The following DENND4C variants were observed in gnomAD, a reference collection of about 807,000 sequenced individuals.
DENND4C encodes DENN domain-containing protein 4C.
Under a neutral mutation model 203.0 loss-of-function variants are expected in DENND4C, and 108 were observed. That is an observed-to-expected ratio of 0.53 (90% CI 0.46 to 0.62). DENND4C has a LOEUF of 0.62. Ranked by LOEUF, DENND4C falls within the 20% of genes least tolerant of loss-of-function variation. The pLI is 0.00. For synonymous variants in DENND4C, 871 were observed against 792.4 expected, an observed-to-expected ratio of 1.10 and a Z score of -1.67; for missense variants, 2,481 against 2,301.2, an observed-to-expected ratio of 1.08 and a Z score of -1.60.
chr9:19,233,935 GA>G (rs1190652795), intron 1 of DENND4C, among the ~76,000 whole-genome samples: 1 of 152,012 alleles, frequency 6.6e-6, no homozygotes, highest in African/African-American at 2.4e-5. Context: ...AAATTCAAAA[GA>G]AAAAATTTAA....
intron 10 of DENND4C, among the ~76,000 whole-genome samples, chr9:19,308,192 C>A (rs932972504): frequency 6.6e-6 from 1 of 152,082 alleles, no homozygotes. Context: ...CTCAGGAATT[C>A]CTCTGAAGCA....
Position 19,372,219 on chromosome 9 carries a change from T to C in DENND4C, c.*46T>C. On this transcript the variant is annotated 3_prime_UTR_variant, in exon 33 of 33. Coordinates refer to ENST00000434457, the MANE Select transcript of DENND4C (RefSeq NM_001330640.2). ...TGACACACAAGGCTTGGGGATTAGATTTCATCTGGAAACATTCAAGTTTTT... is the reference window on the plus strand; with the variant it reads ...TGACACACAAGGCTTGGGGATTAGACTTCATCTGGAAACATTCAAGTTTTT... 6.4e-7 allele frequency: 1 copy of C among 1,568,768 alleles called. No individual in the cohort carries two copies. Among genetic ancestry groups the C allele is most frequent in the Non-Finnish European group, 8.6e-7 (1 of 1,159,534 alleles).
intron 4 of DENND4C, among the ~76,000 whole-genome samples, chr9:19,289,848 G>T (rs1282143139): frequency 7.3e-6 from 1 of 136,994 alleles, no homozygotes; most frequent in African/African-American, 2.6e-5. Flanking sequence ...AAAAAAAAGT[G>T]ATACTGTTAA....
At chr9:19,280,240 C>G (rs1215214343) in intron 2 of DENND4C, among the ~76,000 whole-genome samples, 1 of 151,934 alleles carries the variant, frequency 6.6e-6, no homozygotes, top group African/African-American at 2.4e-5. Context: ...ACCTCCACCT[C>G]GGGTTCAAGC....
At chr9:19,352,413 C>T (rs1027071890) in intron 25 of DENND4C, 77 bp from the exon 26 acceptor site, 1 of 1,380,544 alleles carries the variant, frequency 7.2e-7, no homozygotes, top group Non-Finnish European at 9.8e-7. Context: ...TAAAAAAAAT[C>T]CCATTATCTC....
At chr9:19,328,815 G>A (rs573432796) in intron 16 of DENND4C, among the ~76,000 whole-genome samples, 4 of 152,036 alleles carry the variant, frequency 2.6e-5, no homozygotes, top group South Asian at 2.1e-4. Context: ...TTGGGAGGCC[G>A]AGGCAGGTGG....
At chr9:19,282,255 CT>C (rs1564116444) in intron 2 of DENND4C, among the ~76,000 whole-genome samples, 2 of 150,902 alleles carry the variant, frequency 1.3e-5, no homozygotes, top group African/African-American at 2.4e-5. Flanking sequence ...AAAATTTATT[CT>C]TTTATTTTTT....
chr9:19,275,522 G>C (rs1319421393), intron 1 of DENND4C, among the ~76,000 whole-genome samples: 7 of 151,744 alleles, frequency 4.6e-5, no homozygotes, highest in Non-Finnish European at 7.4e-5. Context: ...CCAGGCTGAG[G>C]TGAAGTGGAG....
chr9:19,285,021 C>T (rs755138845), intron 2 of DENND4C, among the ~76,000 whole-genome samples: 2 of 152,070 alleles, frequency 1.3e-5, no homozygotes, highest in African/African-American at 2.4e-5. Flanking sequence ...TGTGATCCAC[C>T]GGGGGATCCC....
intron 9 of DENND4C, among the ~76,000 whole-genome samples, chr9:19,300,623 A>G (rs74953439): frequency 0.014 from 2,081 of 152,258 alleles, 45 homozygotes; most frequent in African/African-American, 0.048. Context: ...AAACCTGAGA[A>G]TGAAGCTGGT....
intron 5 of DENND4C, among the ~76,000 whole-genome samples, chr9:19,295,456 G>A (rs1837246060): frequency 6.6e-6 from 1 of 151,832 alleles, no homozygotes; most frequent in Non-Finnish European, 1.5e-5. Flanking sequence ...AGTGAGCCGA[G>A]ATCGTGCCAC....
intron 8 of DENND4C, among the ~76,000 whole-genome samples, chr9:19,299,560 G>T (rs1838133721): frequency 6.6e-6 from 1 of 152,070 alleles, no homozygotes; most frequent in South Asian, 2.1e-4. Context: ...CCCATATCCA[G>T]TTCATAACTA....
intron 1 of DENND4C, among the ~76,000 whole-genome samples, chr9:19,263,303 A>C (rs1382908071): frequency 6.6e-6 from 1 of 151,066 alleles, no homozygotes; most frequent in East Asian, 1.9e-4. Flanking sequence ...GTCATGTTGA[A>C]TAATCTTTTT....
chr9:19,252,204 G>A (rs1052704873), intron 1 of DENND4C, among the ~76,000 whole-genome samples: 2 of 152,126 alleles, frequency 1.3e-5, no homozygotes, highest in Non-Finnish European at 1.5e-5. Flanking sequence ...ATGGCAGCAG[G>A]CAAATAGAGA....
intron 1 of DENND4C, among the ~76,000 whole-genome samples, chr9:19,244,489 C>T (rs1021550241): frequency 2.6e-5 from 4 of 151,118 alleles, no homozygotes; most frequent in African/African-American, 4.9e-5. Flanking sequence ...ACCTGTAATC[C>T]CAGCACTTTG....
chr9:19,267,346 T>C (rs1442044584), intron 1 of DENND4C, among the ~76,000 whole-genome samples: 1 of 152,192 alleles, frequency 6.6e-6, no homozygotes, highest in African/African-American at 2.4e-5. Context: ...TTGACACCCT[T>C]ATTATATAAT....
chr9:19,336,544 G>T (rs1820519467), intron 19 of DENND4C, 130 bp downstream of exon 19: 1 of 1,432,504 alleles, frequency 7.0e-7, no homozygotes, highest in Non-Finnish European at 9.2e-7. Flanking sequence ...AAGACAGATT[G>T]TCTTAGTCCA....
At chr9:19,237,676 T>A (rs1260442409) in intron 1 of DENND4C, among the ~76,000 whole-genome samples, 2 of 152,212 alleles carry the variant, frequency 1.3e-5, no homozygotes, top group African/African-American at 4.8e-5. Flanking sequence ...TTATACACAA[T>A]CATTTCTGCA....
chr9:19,246,989 C>G lies in DENND4C; in HGVS notation c.-18+16156C>G, dbSNP rs370333310. Among the ~76,000 whole-genome samples, 20 of 152,282 alleles carry G rather than the reference C, an allele frequency of 1.3e-4. No homozygotes were observed. The East Asian group carries it at 2.3e-3, about 18-fold the overall frequency. On this transcript the variant is annotated intron_variant, in intron 1 of 32. Transcript: ENST00000434457. ...GATTCCATTTTTTCCCCAACTCTTT[C>G]CAGGCTGGCTCTTTTGCACTCCCAC...
Sources: gnomAD v4.1 joint callset for allele counts (sites outside exome capture counted in the v4.1 genomes callset) on GRCh38, gnomAD v4.1.1 for gene constraint, MANE v1.5 for transcripts, NCBI Gene and HGNC (gene_info 2026-07-23, HGNC 2026-07-21) for gene names.